Variants in ABHD2 observed in about 807,000 individuals in gnomAD.
The protein encoded by ABHD2 is abhydrolase domain containing 2, acylglycerol lipase, also known as monoacylglycerol lipase ABHD2.
ABHD2 carries 20 observed loss-of-function variants against 48.1 expected under a neutral mutation model. The ratio of observed to expected loss-of-function variants is 0.42; its 90% CI spans 0.29 to 0.60. ABHD2 has a LOEUF of 0.60. Among genes scored for constraint, ABHD2 ranks in the 20% least tolerant of loss-of-function variants. The pLI, the probability that ABHD2 is intolerant of heterozygous loss-of-function variation, is 0.24. For missense variants in ABHD2, 405 were observed against 550.9 expected (o/e 0.74, Z 2.65); for synonymous variants, 209 against 214.2 (o/e 0.98, Z 0.21).
intron 1 of ABHD2, among the ~76,000 whole-genome samples, chr15:89,108,421 A>G (rs573979944): frequency 1.3e-5 from 2 of 152,222 alleles, no homozygotes; most frequent in Non-Finnish European, 2.9e-5. Context: ...CAAGGACACC[A>G]GTCATGGGGT....
At chr15:89,115,541 G>T (rs542744736) in intron 2 of ABHD2, among the ~76,000 whole-genome samples, 206 of 152,148 alleles carry the variant, frequency 1.4e-3, no homozygotes, top group South Asian at 2.7e-3. Context: ...TGACCTAGTG[G>T]TCAATTTGGT....
At chr15:89,180,897 C>A (rs1419999765) in intron 6 of ABHD2, among the ~76,000 whole-genome samples, 1 of 152,020 alleles carries the variant, frequency 6.6e-6, no homozygotes, top group East Asian at 1.9e-4. Flanking sequence ...TTTAAAAAAT[C>A]AAGAAAAATA....
At chr15:89,124,982 G>A (rs1029946375) in intron 3 of ABHD2, among the ~76,000 whole-genome samples, 3 of 152,124 alleles carry the variant, frequency 2.0e-5, no homozygotes, top group Non-Finnish European at 2.9e-5. Flanking sequence ...CCAGCTAATC[G>A]GGAGGCTGAG....
At position 89,161,642 on chromosome 15, in the gene ABHD2, C is replaced by A. The variant is rs368307649; in HGVS notation, c.538+6108C>A. ...TGTCGAACTCCTGACCTTAGGTGAT[C>A]CGCCCACCTCGGCCTCCCAAAGTGC... On this transcript the variant is annotated intron_variant, in intron 5 of 10. Transcript: ENST00000352732. 3.3e-5 allele frequency among the ~76,000 whole-genome samples: 5 copies of A among 152,282 alleles called. No homozygotes were observed. In the East Asian group the frequency reaches 9.6e-4, roughly 29 times the overall value.
chr15:89,115,684 G>C (rs1235283113), intron 2 of ABHD2, among the ~76,000 whole-genome samples: 1 of 152,156 alleles, frequency 6.6e-6, no homozygotes, highest in Non-Finnish European at 1.5e-5. Context: ...GCTGCGACCT[G>C]GGCTGAGTCT....
the ABHD2 span, among the ~76,000 whole-genome samples, chr15:89,062,343 T>C: frequency 2.0e-5 from 3 of 151,832 alleles, no homozygotes; most frequent in Non-Finnish European, 4.4e-5. Context: ...ATGGAATTGA[T>C]TTTCGTTTGT....
intron 5 of ABHD2, among the ~76,000 whole-genome samples, chr15:89,165,294 T>G (rs543146468): frequency 9.5e-5 from 14 of 147,524 alleles, no homozygotes; most frequent in East Asian, 3.9e-4. Context: ...CTAAAAAATG[T>G]TTTTTTTTTT....
intron 6 of ABHD2, chr15:89,183,383 A>G (rs1596155841): frequency 1.5e-5 from 1 of 66,110 alleles, no homozygotes; most frequent in Admixed American, 1.5e-4. Flanking sequence ...AAAAAAAAAA[A>G]AATATATATA....
At position 89,142,132 on chromosome 15, in the gene ABHD2, C is replaced by T. The variant is rs2050412908; in HGVS notation, c.195-9545C>T. On this transcript the variant is annotated intron_variant, in intron 3 of 10. Coordinates refer to ENST00000352732, the MANE Select transcript of ABHD2 (RefSeq NM_152924.5). Reference sequence around the variant, plus strand: ...GTTGAAGTCTCAACCCTGCTCTTGACTAGCAGTGTGAATGTGGCCAAGCCA... The same window carrying T: ...GTTGAAGTCTCAACCCTGCTCTTGATTAGCAGTGTGAATGTGGCCAAGCCA... Among the ~76,000 whole-genome samples the T allele has an allele frequency of 3.3e-5, 5 of 152,318 alleles. No homozygotes were observed. The South Asian group carries it at 1.0e-3, about 32-fold the overall frequency.
At position 89,166,985 on chromosome 15, in the gene ABHD2, T is replaced by C. The variant is rs2050847408; in HGVS notation, c.539-8827T>C. On this transcript the variant is annotated intron_variant, in intron 5 of 10. Coordinates refer to ENST00000352732, the MANE Select transcript of ABHD2 (RefSeq NM_152924.5). This position sits in a 1 kb window ranked among gnomAD's most constrained non-coding sequence, Gnocchi z 4.6. ...GTAAAAAGGGACTTTATTAATAACG[T>C]TATAATAATTCATAACTTTATTAAT... 6.6e-6 allele frequency among the ~76,000 whole-genome samples: 1 copy of C among 152,158 alleles called. No homozygotes were observed. Among genetic ancestry groups the C allele is most frequent in the African/African-American group, 2.4e-5 (1 of 41,414 alleles).
intron 6 of ABHD2, among the ~76,000 whole-genome samples, chr15:89,180,168 C>T (rs927742643): frequency 6.6e-6 from 1 of 152,194 alleles, no homozygotes; most frequent in Non-Finnish European, 1.5e-5. Flanking sequence ...ACTCTATGGA[C>T]GGAACCTCAC....
intron 4 of ABHD2, among the ~76,000 whole-genome samples, chr15:89,153,082 C>G (rs2050619030): frequency 6.6e-6 from 1 of 152,108 alleles, no homozygotes; most frequent in Non-Finnish European, 1.5e-5. Flanking sequence ...AATGCTGGTC[C>G]CCAGACCTTC....
rs1350775811 is a variant in ABHD2 at position 89,095,678 on chromosome 15, TCCGTGTCC to T, written c.-107+7118_-107+7125del. On this transcript the variant is annotated intron_variant, in intron 1 of 10. Transcript: ENST00000352732. ...TTCTGAGATACAGCATGACCTCTCTTCCGTGTCCCCACCACACTTTTTGCTTTCCTCGT... is the reference window on the plus strand; with the variant it reads ...TTCTGAGATACAGCATGACCTCTCTTCCACCACACTTTTTGCTTTCCTCGT... Among the ~76,000 whole-genome samples, 4 of 152,310 alleles carry T rather than the reference TCCGTGTCC, an allele frequency of 2.6e-5. No homozygotes were observed. In the East Asian group the frequency reaches 7.7e-4, roughly 29 times the overall value.
At chr15:89,057,009 G>A in the ABHD2 span, among the ~76,000 whole-genome samples, 1 of 150,526 alleles carries the variant, frequency 6.6e-6, no homozygotes, top group African/African-American at 2.4e-5. Flanking sequence ...CGCCTCCCGG[G>A]TTCAAGCGAT....
At chr15:89,042,603 T>TC in the ABHD2 span, among the ~76,000 whole-genome samples, 1 of 81,856 alleles carries the variant, frequency 1.2e-5, no homozygotes, top group African/African-American at 5.1e-5. Context: ...TATTTATTTA[T>TC]TTATTTATTT....
At chr15:89,148,889 T>C (rs1363665218) in intron 3 of ABHD2, among the ~76,000 whole-genome samples, 1 of 152,240 alleles carries the variant, frequency 6.6e-6, no homozygotes, top group Non-Finnish European at 1.5e-5. Flanking sequence ...TTTCAAAATA[T>C]TCTATTGTTT....
At chr15:89,052,558 G>GACAGACACAC in the ABHD2 span, among the ~76,000 whole-genome samples, 1 of 124,150 alleles carries the variant, frequency 8.1e-6, no homozygotes, top group African/African-American at 2.6e-5. Context: ...CAGACAGACA[G>GACAGACACAC]ACACACACAC....
chr15:89,157,010 G>A (rs2050685590), intron 5 of ABHD2, among the ~76,000 whole-genome samples: 1 of 151,972 alleles, frequency 6.6e-6, no homozygotes, highest in South Asian at 2.1e-4. Context: ...TTTATTTATT[G>A]CAGTCATAGC....
upstream of ABHD2, chr15:89,082,590 C>T (rs1012237447): frequency 5.9e-5 from 9 of 152,388 alleles, no homozygotes; most frequent in African/African-American, 1.9e-4. This position sits in a 1 kb window ranked among gnomAD's most constrained non-coding sequence, Gnocchi z 4.4. Flanking sequence ...GAATCCAAGT[C>T]AGAAGAAATT....
Sources: allele counts gnomAD v4.1 joint callset (sites outside exome capture counted in the v4.1 genomes callset), GRCh38; gene constraint gnomAD v4.1.1; non-coding constraint Gnocchi (gnomAD v3.1); transcripts MANE v1.5; gene names NCBI Gene and HGNC (gene_info 2026-07-23, HGNC 2026-07-21).